ZNF84: variants seen among roughly 807,000 people sequenced by gnomAD.
ZNF84 encodes the protein zinc finger protein 84, also known as zinc finger protein HPF2.
In ZNF84, 12 loss-of-function variants were observed where a neutral mutation model predicts 14.8. The ratio of observed to expected loss-of-function variants is 0.81; its 90% CI spans 0.52 to 1.31. The LOEUF (loss-of-function observed/expected upper bound fraction) is 1.31, where lower values mean the gene tolerates loss of function less well. Among genes scored for constraint, ZNF84 ranks in the 50% most tolerant of loss-of-function variants. The pLI, the probability that ZNF84 is intolerant of heterozygous loss-of-function variation, is 0.00. For missense variants in ZNF84, 859 were observed against 878.6 expected (o/e 0.98, Z 0.28); for synonymous variants, 347 against 291.1 (o/e 1.19, Z -1.96).
In ZNF84 at chr12:133,062,958, C is replaced by T. The variant is rs1284926742; in HGVS notation, c.*4026C>T. On this transcript the variant is annotated 3_prime_UTR_variant, in exon 5 of 5. Transcript: ENST00000539354. ...TATGAACCTGTACGTGTGTTTCTCACTGTGATAATATAATCATTGCATGTT... is the reference window on the plus strand; with the variant it reads ...TATGAACCTGTACGTGTGTTTCTCATTGTGATAATATAATCATTGCATGTT... 1.8e-5 allele frequency: 11 copies of T among 621,204 alleles called. No homozygotes were observed. The highest frequency in any genetic ancestry group is 3.2e-5 in the Non-Finnish European group (11 of 348,498). 38.5% of individuals were successfully genotyped at this position (621,204 alleles called of 1,614,324 possible).
rs1037864883 is a variant in ZNF84, at chr12:133,041,495, T to C, written c.15+13T>C. On this transcript the variant is annotated intron_variant, in intron 2 of 4. Coordinates refer to ENST00000539354, the MANE Select transcript of ZNF84 (RefSeq NM_001289971.2). ...GACCATGTTACAGGTGAGTTGATTG[T>C]TGAGTTCTTATTTTTTCCCAGGGAA... 23 of 1,613,900 alleles carry C rather than the reference T, an allele frequency of 1.4e-5. No individual in the cohort carries two copies. The highest frequency in any genetic ancestry group is 1.9e-5 in the Non-Finnish European group (22 of 1,179,780).
chr12:133,050,378 G>T, intron 4 of ZNF84: 1 of 397,168 alleles, frequency 2.5e-6, no homozygotes, highest in South Asian at 1.3e-4. Flanking sequence ...AGAATGTCCA[G>T]GGTCCCTGCA....
At chr12:133,052,371 G>A (rs1213461426) in intron 4 of ZNF84, among the ~76,000 whole-genome samples, 1 of 151,916 alleles carries the variant, frequency 6.6e-6, no homozygotes, top group African/African-American at 2.4e-5. Flanking sequence ...TTTGAGACAG[G>A]GTCTCACTCA....
intron 2 of ZNF84, among the ~76,000 whole-genome samples, chr12:133,043,569 CT>C (rs776516223): frequency 1.5e-3 from 229 of 152,314 alleles, no homozygotes; most frequent in Middle Eastern, 3.4e-3. Context: ...AGCTAGAACA[CT>C]GCTTTCCAGC....
chr12:133,041,389 C>G lies in ZNF84; in HGVS notation c.-79C>G. On this transcript the variant is annotated 5_prime_UTR_variant, in exon 2 of 5. Coordinates refer to ENST00000539354, the MANE Select transcript of ZNF84 (RefSeq NM_001289971.2). ...AAGACCTAGCTGAGACCTCACTCCA[C>G]AGTTTTGGGGCAGAAGCAGAAGAGA... 1.4e-6 allele frequency: 2 copies of G among 1,467,170 alleles called. No individual in the cohort carries two copies. The highest frequency in any genetic ancestry group is 1.9e-6 in the Non-Finnish European group (2 of 1,049,036). The allele number at this position is 1,467,170 out of a possible 1,614,324, so 90.9% of individuals were successfully genotyped here. A position where few individuals can be genotyped will look rare whatever the true frequency, so the allele number is the denominator to read the frequency against.
intron 4 of ZNF84, among the ~76,000 whole-genome samples, chr12:133,051,606 T>C (rs1954069945): frequency 6.6e-6 from 1 of 152,200 alleles, no homozygotes; most frequent in African/African-American, 2.4e-5. Flanking sequence ...CAAAGTTTAC[T>C]ATCCCTCTGC....
At position 133,058,304 on chromosome 12, in the gene ZNF84, T is replaced by G; in HGVS notation, c.1589T>G (p.Leu530Arg). The stretch of plus-strand genomic sequence containing the variant: ...AAAGCCTTTTGTCAGAAGTCACATC[T>G]CATATCACATCAGAGGACACATACA... ...CGKAFCQKSH[L>R]ISHQRTHTGE... is the part of the protein sequence containing the mutation. The change falls in exon 5 of 5, where the codon CTC becomes CGC. Residue 530 changes from leucine to arginine, a missense_variant. Leu to Arg is a moderately radical substitution (Grantham distance 102, BLOSUM62 -2). Transcript: ENST00000539354. The G allele has an allele frequency of 6.2e-7, 1 of 1,614,176 alleles. No individual in the cohort carries two copies. Among genetic ancestry groups the G allele is most frequent in the Non-Finnish European group, 8.5e-7 (1 of 1,180,016 alleles).
At chr12:133,054,520 A>G (rs1425869322) in intron 4 of ZNF84, among the ~76,000 whole-genome samples, 1 of 152,120 alleles carries the variant, frequency 6.6e-6, no homozygotes, top group African/African-American at 2.4e-5. Flanking sequence ...GGGTCTTGGG[A>G]TAGTTTTAGT....
rs1386895567 is a variant in ZNF84 at position 133,060,577 on chromosome 12, A to G, written c.*1645A>G. The G allele has an allele frequency of 6.6e-6, 1 of 152,238 alleles. No individual in the cohort carries two copies. The highest frequency in any genetic ancestry group is 1.9e-4 in the East Asian group (1 of 5,202). 9.4% of individuals were successfully genotyped at this position (152,238 alleles called of 1,614,324 possible). On this transcript the variant is annotated 3_prime_UTR_variant, in exon 5 of 5. Transcript: ENST00000539354. ...TTTATAAAAAGGTGTTGAATATCTG[A>G]TGTAATTATTGAATACTGAAGGTGA... is the stretch of plus-strand genomic sequence containing the variant.
chr12:133,046,361 T>G (rs1220058701), intron 2 of ZNF84, among the ~76,000 whole-genome samples: 120 of 26,760 alleles, frequency 4.5e-3, no homozygotes, highest in South Asian at 9.5e-3. Context: ...TTTTTTTTTT[T>G]TTTTTTTTTT....
intron 2 of ZNF84, among the ~76,000 whole-genome samples, chr12:133,047,448 C>T (rs1316305357): frequency 6.6e-6 from 1 of 152,132 alleles, no homozygotes; most frequent in Non-Finnish European, 1.5e-5. Flanking sequence ...ACTGGTGTCA[C>T]CCTTGTTATT....
rs1805619384 is a variant in ZNF84 at position 133,058,082 on chromosome 12, A to G, written c.1367A>G (p.Glu456Gly). 1 of 1,613,994 alleles carries G rather than the reference A, an allele frequency of 6.2e-7. No individual in the cohort carries two copies. Among genetic ancestry groups the G allele is most frequent in the Non-Finnish European group, 8.5e-7 (1 of 1,180,014 alleles). Residue 456 changes from glutamate to glycine, a missense_variant, in exon 5 of 5, where the codon GAA becomes GGA. By Grantham distance (98) the Glu-to-Gly change is moderately conservative (BLOSUM62 -2). Coordinates refer to ENST00000539354, the MANE Select transcript of ZNF84 (RefSeq NM_001289971.2). ...LISHQMTHTG[E>G]KPFICSKCGK... ...TCACATCAGATGACACACACAGGAG[A>G]AAAACCCTTTATATGCAGTAAATGT... is the stretch of plus-strand genomic sequence containing the variant.
intron 2 of ZNF84, among the ~76,000 whole-genome samples, chr12:133,043,826 T>C (rs1208744465): frequency 6.6e-6 from 1 of 152,078 alleles, no homozygotes; most frequent in African/African-American, 2.4e-5. Context: ...CAGTGTTGGC[T>C]CACTGCAACC....
Position 133,048,853 on chromosome 12 carries a change from G to A in ZNF84, c.238+5G>A. On this transcript the variant is annotated splice_donor_5th_base_variant and intron_variant, in intron 4 of 4. Coordinates refer to ENST00000539354, the MANE Select transcript of ZNF84 (RefSeq NM_001289971.2). ...TTCCAAGTTCAGATTCTCCAGGTGA[G>A]TGTATGAGAACCAGGCAGATGGGAG... is the stretch of plus-strand genomic sequence containing the variant. 1 of 1,610,738 alleles carries A rather than the reference G, an allele frequency of 6.2e-7. No individual in the cohort carries two copies. The highest frequency in any genetic ancestry group is 1.1e-5 in the South Asian group (1 of 90,868).
chr12:133,060,929 G>T lies in ZNF84; in HGVS notation c.*1997G>T, dbSNP rs533356444. The T allele has an allele frequency of 7.2e-5, 11 of 152,268 alleles. No homozygotes were observed. In the South Asian group the frequency reaches 2.3e-3, roughly 32 times the overall value. 9.4% of individuals were successfully genotyped at this position (152,268 alleles called of 1,614,324 possible). The stretch of plus-strand genomic sequence containing the variant: ...AATATTGAGCTTGATTGCAAACTTA[G>T]AAAAACTCAAGACTTCTCCTTTTAT... On this transcript the variant is annotated 3_prime_UTR_variant, in exon 5 of 5. Coordinates refer to ENST00000539354, the MANE Select transcript of ZNF84 (RefSeq NM_001289971.2).
Position 133,059,268 on chromosome 12 carries a change from G to T in ZNF84, c.*336G>T, listed in dbSNP as rs1321658877. ...CACTGGGGATGAGGGAAAACCCCAT[G>T]AATGCGGGAAATGAGGCAATATTTT... On this transcript the variant is annotated 3_prime_UTR_variant, in exon 5 of 5. Transcript: ENST00000539354. The T allele has an allele frequency of 2.6e-6, 1 of 384,476 alleles. No homozygotes were observed. The highest frequency in any genetic ancestry group is 4.6e-6 in the Non-Finnish European group (1 of 216,600). The allele number at this position is 384,476 out of a possible 1,614,324, so 23.8% of individuals were successfully genotyped here. A position where few individuals can be genotyped will look rare whatever the true frequency, so the allele number is the denominator to read the frequency against.
Position 133,048,570 on chromosome 12 carries a change from C to T in ZNF84, c.143-183C>T, listed in dbSNP as rs1954022885. The T allele has an allele frequency of 6.5e-6, 3 of 460,766 alleles. No individual in the cohort carries two copies. The East Asian group carries it at 1.1e-4, about 17-fold the overall frequency. The allele number at this position is 460,766 out of a possible 1,614,324, so 28.5% of individuals were successfully genotyped here. A position where few individuals can be genotyped will look rare whatever the true frequency, so the allele number is the denominator to read the frequency against. ...CTGGCTCCAGAGCCTCTGAAGTGTT[C>T]AGTGGCTTTGTACTAGACCCTATTA... On this transcript the variant is annotated intron_variant, in intron 3 of 4. Coordinates refer to ENST00000539354, the MANE Select transcript of ZNF84 (RefSeq NM_001289971.2).
At position 133,058,619 on chromosome 12, in the gene ZNF84, C is replaced by G. The variant is rs1269065442; in HGVS notation, c.1904C>G (p.Ala635Gly). 4.3e-6 allele frequency: 7 copies of G among 1,614,006 alleles called. No individual in the cohort carries two copies. The highest frequency in any genetic ancestry group is 5.9e-6 in the Non-Finnish European group (7 of 1,180,022). ...KPYECNECRK[A>G]FREKSSLINH... is the part of the protein sequence containing the mutation. ...TATGAATGCAATGAATGTAGAAAAG[C>G]CTTCAGGGAGAAGTCAAGTCTCATC... The change falls in exon 5 of 5, where the codon GCC becomes GGC. Residue 635 changes from alanine to glycine, a missense_variant. Transcript: ENST00000539354.
At chr12:133,045,442 G>T (rs1024911659) in intron 2 of ZNF84, among the ~76,000 whole-genome samples, 6 of 151,582 alleles carry the variant, frequency 4.0e-5, no homozygotes, top group Non-Finnish European at 2.9e-5. Flanking sequence ...CTGCACTTCA[G>T]CCTGGGTGAC....
Sources: allele counts gnomAD v4.1 joint callset (sites outside exome capture counted in the v4.1 genomes callset), GRCh38; gene constraint gnomAD v4.1.1; transcripts MANE v1.5; gene names NCBI Gene and HGNC (gene_info 2026-07-23, HGNC 2026-07-21).